Variants in C12orf42 observed in about 807,000 individuals in gnomAD.
C12orf42 encodes uncharacterized protein C12orf42.
A neutral mutation model predicts 21.6 loss-of-function variants in C12orf42; 25 were observed. The ratio of observed to expected loss-of-function variants is 1.16; its 90% CI spans 0.84 to 1.62. The LOEUF is 1.62. C12orf42 is among the 40% of genes most tolerant of loss of function. The pLI, the probability that C12orf42 is intolerant of heterozygous loss-of-function variation, is 0.00. For synonymous variants in C12orf42, 174 were observed against 175.0 expected (o/e 0.99, Z 0.05); for missense variants, 483 against 459.3 (o/e 1.05, Z -0.47).
chr12:103,321,154 A>C (rs1279996879), intron 4 of C12orf42, among the ~76,000 whole-genome samples: 1 of 152,100 alleles, frequency 6.6e-6, no homozygotes, highest in Admixed American at 6.5e-5. Context: ...CAAAGAACTC[A>C]AACAAATTTA....
intron 3 of C12orf42, among the ~76,000 whole-genome samples, chr12:103,393,817 G>A (rs1172059334): frequency 6.6e-6 from 1 of 152,072 alleles, no homozygotes; most frequent in Non-Finnish European, 1.5e-5. Flanking sequence ...CAAAACCTAT[G>A]GCATTTATTC....
At chr12:103,166,579 A>C in the C12orf42 span, among the ~76,000 whole-genome samples, 8 of 152,188 alleles carry the variant, frequency 5.3e-5, no homozygotes, top group African/African-American at 1.9e-4. Context: ...TTCTTCCCAA[A>C]AGTCATACTC....
At chr12:103,528,343 G>A in the C12orf42 span, among the ~76,000 whole-genome samples, 1 of 152,226 alleles carries the variant, frequency 6.6e-6, no homozygotes, top group Non-Finnish European at 1.5e-5. Flanking sequence ...GAATTGGCAT[G>A]AAAGAGACTA....
intron 3 of C12orf42, among the ~76,000 whole-genome samples, chr12:103,376,346 A>T (rs752885422): frequency 2.9e-4 from 44 of 152,092 alleles, no homozygotes; most frequent in Non-Finnish European, 5.1e-4. Flanking sequence ...TAAGAGTGGG[A>T]GTTGAACAAT....
chr12:103,325,486 G>T (rs768277639), intron 4 of C12orf42, among the ~76,000 whole-genome samples: 1 of 152,212 alleles, frequency 6.6e-6, no homozygotes, highest in African/African-American at 2.4e-5. Flanking sequence ...CATTTAGAAG[G>T]TAGCAAGTAC....
Position 103,368,899 on chromosome 12 carries a change from GAAA to G in C12orf42, c.244_246del (p.Phe82del). On this transcript the variant is annotated inframe_deletion, in exon 4 of 6. Transcript: ENST00000548883. ...TGTCTTAATTTACCTGGAAAATTCA[GAAA>G]GTGTAGACTACGAAATTTAGGAGAT... The G allele has an allele frequency of 6.4e-7, 1 of 1,557,350 alleles. No homozygotes were observed. Among genetic ancestry groups the G allele is most frequent in the Non-Finnish European group, 8.8e-7 (1 of 1,138,274 alleles).
intron 4 of C12orf42, among the ~76,000 whole-genome samples, chr12:103,350,156 C>T (rs752708198): frequency 2.6e-5 from 4 of 152,188 alleles, no homozygotes; most frequent in Non-Finnish European, 5.9e-5. Flanking sequence ...TCTACCATCT[C>T]ACTTTCCATG....
chr12:103,299,782 T>A (rs2037530901), downstream of C12orf42, among the ~76,000 whole-genome samples: 1 of 152,248 alleles, frequency 6.6e-6, no homozygotes, highest in South Asian at 2.1e-4. Flanking sequence ...TTTACCTTGG[T>A]GCATTTGTGT....
the C12orf42 span, among the ~76,000 whole-genome samples, chr12:103,099,950 A>G: frequency 1.1e-3 from 169 of 152,312 alleles, 3 homozygotes; most frequent in Admixed American, 0.011. Context: ...TTTGATTAGA[A>G]TTTCCTCTCT....
At chr12:103,196,928 T>C in the C12orf42 span, among the ~76,000 whole-genome samples, 10 of 152,198 alleles carry the variant, frequency 6.6e-5, no homozygotes, top group African/African-American at 2.4e-4. Flanking sequence ...AAGACTCATA[T>C]TGATACGTGC....
intron 5 of C12orf42, among the ~76,000 whole-genome samples, 194 bp downstream of exon 5, chr12:103,305,780 C>T (rs1376543495): frequency 1.3e-5 from 2 of 152,190 alleles, no homozygotes; most frequent in Non-Finnish European, 2.9e-5. Context: ...CATCAACTCA[C>T]ACCTGTTCTC....
At chr12:103,084,573 A>G in the C12orf42 span, among the ~76,000 whole-genome samples, 1 of 152,212 alleles carries the variant, frequency 6.6e-6, no homozygotes, top group East Asian at 1.9e-4. Flanking sequence ...TATATAAATA[A>G]TAATCTCCAC....
In C12orf42 at chr12:103,316,474, T is replaced by A. The variant is rs1479896331; in HGVS notation, c.260-10129A>T. Among the ~76,000 whole-genome samples, 19 of 151,904 alleles carry A rather than the reference T, an allele frequency of 1.3e-4. 1 individual carries two copies. Among genetic ancestry groups the A allele is most frequent in the Non-Finnish European group, 2.8e-4 (19 of 67,966 alleles). Reference sequence around the variant, plus strand: ...AGAAGTTTTTTGGGGAAAGGGAAAATAATATAGGTCATAAACTCATCTACA... The same window carrying A: ...AGAAGTTTTTTGGGGAAAGGGAAAAAAATATAGGTCATAAACTCATCTACA... On this transcript the variant is annotated intron_variant, in intron 4 of 5. Transcript: ENST00000548883.
rs967551530 is a variant in C12orf42 at position 103,465,534 on chromosome 12, G to T, written c.78+12815C>A. Among the ~76,000 whole-genome samples the T allele has an allele frequency of 5.9e-5, 9 of 152,228 alleles. No individual in the cohort carries two copies. The East Asian group carries it at 1.7e-3, about 29-fold the overall frequency. On this transcript the variant is annotated intron_variant, in intron 2 of 5. Coordinates refer to ENST00000548883, the MANE Select transcript of C12orf42 (RefSeq NM_198521.5). ...TGGAGTTTTCTAGATACAGGATCAT[G>T]TCATCTGCAAACAGAGACAGTTTGA...
the C12orf42 span, among the ~76,000 whole-genome samples, chr12:103,210,228 A>T: frequency 6.5e-4 from 99 of 152,296 alleles, 2 homozygotes; most frequent in South Asian, 0.013. Flanking sequence ...AGATATTTAC[A>T]TTGTTGTGTC....
At chr12:103,378,860 T>C (rs1171382889) in intron 3 of C12orf42, 4 of 151,982 alleles carry the variant, frequency 2.6e-5, no homozygotes, top group African/African-American at 9.7e-5. Context: ...AACCACAAAG[T>C]GCCTAGCACA....
At chr12:103,155,738 T>A in the C12orf42 span, among the ~76,000 whole-genome samples, 2 of 116,624 alleles carry the variant, frequency 1.7e-5, no homozygotes, top group Non-Finnish European at 3.6e-5. Context: ...ATATACATAT[T>A]GCATATGTAA....
intron 2 of C12orf42, among the ~76,000 whole-genome samples, chr12:103,459,329 C>A (rs529512960): frequency 6.6e-6 from 1 of 152,198 alleles, no homozygotes; most frequent in East Asian, 1.9e-4. Flanking sequence ...AAATATAATC[C>A]CAGTGTTGCA....
At chr12:103,118,772 TAAAAAAAAAAAA>T in the C12orf42 span, among the ~76,000 whole-genome samples, 607 of 41,662 alleles carry the variant, frequency 0.015, 12 homozygotes, top group South Asian at 0.082. Flanking sequence ...CACTCCAGCC[TAAAAAAAAAAAA>T]AAAAAAAAAA....
Sources: gnomAD v4.1 joint callset for allele counts (sites outside exome capture counted in the v4.1 genomes callset) on GRCh38, gnomAD v4.1.1 for gene constraint, MANE v1.5 for transcripts, NCBI Gene and HGNC (gene_info 2026-07-23, HGNC 2026-07-21) for gene names.